The following RALGPS2 variants were observed in gnomAD, a reference collection of about 807,000 sequenced individuals.
RALGPS2 encodes the protein Ral GEF with PH domain and SH3 binding motif 2.
Under a neutral mutation model 86.8 loss-of-function variants are expected in RALGPS2, and 43 were observed. That is an observed-to-expected ratio of 0.50 (90% CI 0.39 to 0.64). RALGPS2 has a LOEUF of 0.64. RALGPS2 is among the 30% of genes least tolerant of loss of function. RALGPS2 has a pLI of 0.00. For synonymous variants in RALGPS2, 243 were observed against 231.3 expected (o/e 1.05, Z -0.46); for missense variants, 536 against 694.6 (o/e 0.77, Z 2.57).
chr1:178,807,545 A>G (rs995043752), intron 4 of RALGPS2, among the ~76,000 whole-genome samples: 3 of 152,202 alleles, frequency 2.0e-5, no homozygotes, highest in Non-Finnish European at 4.4e-5. Flanking sequence ...GTGTAAAATG[A>G]AAATTAATTT....
At chr1:178,881,936 C>A (rs1352504247) in intron 10 of RALGPS2, among the ~76,000 whole-genome samples, 1 of 152,078 alleles carries the variant, frequency 6.6e-6, no homozygotes, top group Non-Finnish European at 1.5e-5. Context: ...TACAAAAGGC[C>A]TGTTTTGGGC....
At chr1:178,839,537 G>A (rs560840267) in intron 8 of RALGPS2, among the ~76,000 whole-genome samples, 6 of 152,006 alleles carry the variant, frequency 3.9e-5, no homozygotes, top group Admixed American at 3.3e-4. Flanking sequence ...AGGAACAACT[G>A]GTACCAGCCA....
chr1:178,790,683 T>A (rs1367236500), intron 4 of RALGPS2, among the ~76,000 whole-genome samples: 1 of 152,254 alleles, frequency 6.6e-6, no homozygotes, highest in Non-Finnish European at 1.5e-5. Context: ...TATATACACT[T>A]TAATGCATTG....
intron 11 of RALGPS2, among the ~76,000 whole-genome samples, 162 bp from the exon 12 acceptor site, chr1:178,884,914 G>T (rs12132218): frequency 0.045 from 6,880 of 152,128 alleles, 157 homozygotes; most frequent in Non-Finnish European, 0.057. Flanking sequence ...GTATGGTTTG[G>T]GATTTTGTGT....
intron 19 of RALGPS2, among the ~76,000 whole-genome samples, chr1:178,911,297 T>G: frequency 6.6e-6 from 1 of 152,140 alleles, no homozygotes; most frequent in East Asian, 1.9e-4. Flanking sequence ...TCTGCTAGCT[T>G]TGGGGTTGGT....
intron 11 of RALGPS2, 80 bp downstream of exon 11, chr1:178,883,613 A>G: frequency 9.3e-7 from 1 of 1,074,264 alleles, no homozygotes; most frequent in East Asian, 2.4e-5. Flanking sequence ...AGTAAATAAA[A>G]ACTTAGTACA....
intron 4 of RALGPS2, among the ~76,000 whole-genome samples, chr1:178,795,560 GCTA>G (rs2102155318): frequency 6.6e-6 from 1 of 151,956 alleles, no homozygotes; most frequent in South Asian, 2.1e-4. Context: ...TAACAGGTGT[GCTA>G]CCACCACACC....
intron 6 of RALGPS2, among the ~76,000 whole-genome samples, chr1:178,817,341 A>G (rs1655280452): frequency 1.5e-5 from 1 of 67,226 alleles, no homozygotes; most frequent in Admixed American, 2.0e-4. Context: ...ACTCTGTCTC[A>G]ATTTAAAAAA....
At chr1:178,744,268 G>A (rs948028981) in intron 1 of RALGPS2, among the ~76,000 whole-genome samples, 1 of 152,150 alleles carries the variant, frequency 6.6e-6, no homozygotes, top group Non-Finnish European at 1.5e-5. Flanking sequence ...CAGAAAATTG[G>A]GGGCAGGGGA....
intron 1 of RALGPS2, among the ~76,000 whole-genome samples, chr1:178,759,019 G>C (rs1468694959): frequency 6.6e-6 from 1 of 151,848 alleles, no homozygotes; most frequent in East Asian, 1.9e-4. Flanking sequence ...CTTCCATTCT[G>C]TAAGTCGTCT....
At chr1:178,733,418 G>T (rs1650506364) in intron 1 of RALGPS2, among the ~76,000 whole-genome samples, 1 of 152,134 alleles carries the variant, frequency 6.6e-6, no homozygotes, top group African/African-American at 2.4e-5. Flanking sequence ...CAAAAGACTA[G>T]AACAGGTATT....
intron 7 of RALGPS2, among the ~76,000 whole-genome samples, chr1:178,827,522 G>A (rs1655804955): frequency 2.0e-5 from 3 of 149,382 alleles, no homozygotes; most frequent in Non-Finnish European, 4.5e-5. Flanking sequence ...AGCCTCCCAA[G>A]TAGCTGGGAC....
intron 1 of RALGPS2, among the ~76,000 whole-genome samples, chr1:178,767,358 C>CTTTTTTTTTTT (rs1159630163): frequency 4.3e-5 from 3 of 70,432 alleles, no homozygotes; most frequent in African/African-American, 6.3e-5. Context: ...TGTCCTTTGG[C>CTTTTTTTTTTT]TTTTTTTTTT....
intron 7 of RALGPS2, among the ~76,000 whole-genome samples, chr1:178,826,605 G>A (rs983187782): frequency 3.9e-5 from 6 of 152,138 alleles, no homozygotes; most frequent in African/African-American, 1.4e-4. Context: ...TTCATTTTGA[G>A]AAGATGAAAA....
chr1:178,740,640 A>T (rs1650967627), intron 1 of RALGPS2, among the ~76,000 whole-genome samples: 2 of 152,188 alleles, frequency 1.3e-5, no homozygotes. Context: ...GTGCTGAGAG[A>T]AGTGCAAAAT....
At chr1:178,865,231 C>T in intron 8 of RALGPS2, 1 of 1,614,092 alleles carries the variant, frequency 6.2e-7, no homozygotes, top group Non-Finnish European at 8.5e-7. Context: ...CAAGATCAGT[C>T]AAGGAAGCGT....
intron 1 of RALGPS2, among the ~76,000 whole-genome samples, chr1:178,770,532 A>G (rs1164690897): frequency 7.2e-6 from 1 of 138,916 alleles, no homozygotes; most frequent in Non-Finnish European, 1.5e-5. Context: ...TTTTTCTGAG[A>G]CAGTCTTGCA....
intron 7 of RALGPS2, among the ~76,000 whole-genome samples, chr1:178,822,771 A>C (rs58213830): frequency 1.3e-5 from 2 of 152,180 alleles, no homozygotes; most frequent in African/African-American, 2.4e-5. Flanking sequence ...AATGGAAATG[A>C]TTATAAATAT....
Position 178,765,225 on chromosome 1 carries a change from G to A in RALGPS2, c.-83-11457G>A, listed in dbSNP as rs529408341. Among the ~76,000 whole-genome samples, 6 of 151,984 alleles carry A rather than the reference G, an allele frequency of 3.9e-5. No individual in the cohort carries two copies. In the South Asian group the frequency reaches 1.2e-3, roughly 32 times the overall value. ...GCTGGAGTTCAGTGGTGCAGTATCG[G>A]GGGAATTTCAGCCCCCAATATTTCA... On this transcript the variant is annotated intron_variant, in intron 1 of 19. Coordinates refer to ENST00000367635, the MANE Select transcript of RALGPS2 (RefSeq NM_152663.5).
Sources: allele counts gnomAD v4.1 joint callset (sites outside exome capture counted in the v4.1 genomes callset), GRCh38; gene constraint gnomAD v4.1.1; transcripts MANE v1.5; gene names NCBI Gene and HGNC (gene_info 2026-07-23, HGNC 2026-07-21).